SUPT3H: variants seen among roughly 807,000 people sequenced by gnomAD.
SUPT3H encodes SPT3 homolog, SAGA and STAGA complex component.
In SUPT3H, 44 loss-of-function variants were observed where a neutral mutation model predicts 44.3. The ratio of observed to expected loss-of-function variants is 0.99; its 90% CI spans 0.78 to 1.28. The LOEUF (loss-of-function observed/expected upper bound fraction) is 1.28. Among genes scored for constraint, SUPT3H ranks in the 50% most tolerant of loss-of-function variants. The pLI is 0.00. For missense variants in SUPT3H, 380 were observed against 387.1 expected, an observed-to-expected ratio of 0.98 and a Z score of 0.15; for synonymous variants, 124 against 125.6, an observed-to-expected ratio of 0.99 and a Z score of 0.09.
At chr6:45,182,354 A>G (rs1813422790) in intron 2 of SUPT3H, among the ~76,000 whole-genome samples, 1 of 152,104 alleles carries the variant, frequency 6.6e-6, no homozygotes, top group African/African-American at 2.4e-5. Flanking sequence ...TCCGCCTCCC[A>G]GGTTCAAGTG....
intron 2 of SUPT3H, among the ~76,000 whole-genome samples, chr6:45,130,972 C>G (rs1301239211): frequency 6.6e-6 from 1 of 151,950 alleles, no homozygotes; most frequent in Non-Finnish European, 1.5e-5. Context: ...CAGCCTCGGT[C>G]TCCCAAAGTG....
At chr6:45,279,455 C>T (rs1019028565) in intron 2 of SUPT3H, among the ~76,000 whole-genome samples, 4 of 152,130 alleles carry the variant, frequency 2.6e-5, no homozygotes, top group African/African-American at 9.7e-5. Flanking sequence ...GGAGGCAGAT[C>T]TCTCATGAGT....
chr6:45,374,304 C>T lies in SUPT3H; in HGVS notation c.-1+3464G>A, dbSNP rs1277931234. Among the ~76,000 whole-genome samples the T allele has an allele frequency of 4.6e-5, 7 of 152,298 alleles. No homozygotes were observed. In the East Asian group the frequency reaches 1.2e-3, roughly 25 times the overall value. ...AGATTATCCAATAAACTTAAGGCTA[C>T]AGCAGCTAACAGTTACTGAACTGCA... On this transcript the variant is annotated intron_variant, in intron 1 of 10. Coordinates refer to ENST00000371459, the MANE Select transcript of SUPT3H (RefSeq NM_003599.4).
At chr6:44,938,325 G>A (rs151156331) in intron 9 of SUPT3H, among the ~76,000 whole-genome samples, 157 of 152,188 alleles carry the variant, frequency 1.0e-3, no homozygotes, top group African/African-American at 3.6e-3. Context: ...TTTTTCTGAA[G>A]AGGGTGTCCT....
At position 44,880,312 on chromosome 6, in the gene SUPT3H, G is replaced by A. The variant is rs191083756; in HGVS notation, c.913-50455C>T. On this transcript the variant is annotated intron_variant, in intron 10 of 10. Coordinates refer to ENST00000371459, the MANE Select transcript of SUPT3H (RefSeq NM_003599.4). ...GTATCAGTAGCCGAATCGATCAAGC[G>A]GAAGAAAGGATATCAGAGATTGAAG... Among the ~76,000 whole-genome samples the A allele has an allele frequency of 3.9e-3, 587 of 151,946 alleles. 2 individuals are homozygous for A. The highest frequency in any genetic ancestry group is 5.8e-3 in the Non-Finnish European group (396 of 67,990).
chr6:45,080,476 A>G (rs945464171), intron 3 of SUPT3H, among the ~76,000 whole-genome samples: 2 of 152,144 alleles, frequency 1.3e-5, no homozygotes, highest in African/African-American at 4.8e-5. Context: ...TATTGAAAAG[A>G]TATCTGCATT....
At chr6:45,217,531 A>G (rs1349253611) in intron 2 of SUPT3H, among the ~76,000 whole-genome samples, 1 of 152,154 alleles carries the variant, frequency 6.6e-6, no homozygotes, top group Non-Finnish European at 1.5e-5. Flanking sequence ...GACTAGAATA[A>G]GTCACATGTA....
intron 2 of SUPT3H, among the ~76,000 whole-genome samples, chr6:45,283,096 G>A (rs957261688): frequency 2.0e-5 from 3 of 152,130 alleles, no homozygotes; most frequent in Non-Finnish European, 4.4e-5. Flanking sequence ...CACTAAACAT[G>A]GAAAGGAACA....
intron 10 of SUPT3H, among the ~76,000 whole-genome samples, chr6:44,860,197 T>C (rs1413049179): frequency 6.6e-6 from 1 of 152,230 alleles, no homozygotes; most frequent in Non-Finnish European, 1.5e-5. Context: ...TCCCAGACTG[T>C]GAATATAGTT....
intron 2 of SUPT3H, among the ~76,000 whole-genome samples, chr6:45,204,286 C>T (rs1432972965): frequency 1.9e-5 from 1 of 52,224 alleles, no homozygotes; most frequent in African/African-American, 6.0e-5. Context: ...AGAAGAACCA[C>T]CTGTATCTCT....
intron 10 of SUPT3H, among the ~76,000 whole-genome samples, chr6:44,893,455 C>T (rs1005662714): frequency 1.3e-5 from 2 of 149,852 alleles, no homozygotes; most frequent in African/African-American, 2.4e-5. Context: ...TCAATTCCCA[C>T]CTACGAATAT....
chr6:44,897,533 T>A (rs915053442), intron 10 of SUPT3H, among the ~76,000 whole-genome samples: 1 of 152,216 alleles, frequency 6.6e-6, no homozygotes, highest in African/African-American at 2.4e-5. Flanking sequence ...TGACTTTGCA[T>A]CATGTTTTTA....
intron 10 of SUPT3H, among the ~76,000 whole-genome samples, chr6:44,852,536 C>T (rs966574353): frequency 6.6e-5 from 10 of 152,056 alleles, no homozygotes; most frequent in Non-Finnish European, 1.0e-4. Flanking sequence ...ACCTCTTCTC[C>T]CAAGCTTTCT....
chr6:45,109,871 CT>C (rs1478604917), intron 2 of SUPT3H, among the ~76,000 whole-genome samples: 1 of 152,190 alleles, frequency 6.6e-6, no homozygotes, highest in Non-Finnish European at 1.5e-5. Context: ...TCCCAGTGCT[CT>C]GATGTCTTGA....
chr6:45,165,125 C>T (rs958421147), intron 2 of SUPT3H, among the ~76,000 whole-genome samples: 1 of 152,168 alleles, frequency 6.6e-6, no homozygotes, highest in African/African-American at 2.4e-5. Flanking sequence ...CAGTTTACTG[C>T]TAGGGGAAGA....
At chr6:45,313,022 C>A (rs557514524) in intron 2 of SUPT3H, among the ~76,000 whole-genome samples, 97 of 152,258 alleles carry the variant, frequency 6.4e-4, no homozygotes, top group Non-Finnish European at 1.2e-3. Flanking sequence ...AATTAAATAA[C>A]CTGCTCTTGA....
rs557081220 is a variant in SUPT3H, at chr6:44,976,564, T to C, written c.505-14736A>G. Among the ~76,000 whole-genome samples the C allele has an allele frequency of 2.0e-4, 30 of 152,250 alleles. No individual in the cohort carries two copies. The South Asian group carries it at 4.6e-3, about 23-fold the overall frequency. On this transcript the variant is annotated intron_variant, in intron 6 of 10. Coordinates refer to ENST00000371459, the MANE Select transcript of SUPT3H (RefSeq NM_003599.4). ...TTTTAGTAGAGACGGGGTTTCACCA[T>C]GTTGGCTAGGCTGGTTTCAAACTCC...
At chr6:45,330,501 C>A (rs1436538119) in intron 2 of SUPT3H, among the ~76,000 whole-genome samples, 2 of 151,876 alleles carry the variant, frequency 1.3e-5, no homozygotes, top group Non-Finnish European at 2.9e-5. Flanking sequence ...ATTTTAAACA[C>A]ATTTTAAAAA....
chr6:45,330,661 A>C (rs1440222892), intron 2 of SUPT3H, among the ~76,000 whole-genome samples: 1 of 151,964 alleles, frequency 6.6e-6, no homozygotes, highest in African/African-American at 2.4e-5. Context: ...AACATTCTTA[A>C]TAACTATTCA....
Sources: gnomAD v4.1 joint callset for allele counts (sites outside exome capture counted in the v4.1 genomes callset) on GRCh38, gnomAD v4.1.1 for gene constraint, MANE v1.5 for transcripts, NCBI Gene and HGNC (gene_info 2026-07-23, HGNC 2026-07-21) for gene names.